PRR19: variants seen among roughly 807,000 people sequenced by gnomAD.
The protein encoded by PRR19 is proline-rich protein 19.
Under a neutral mutation model 19.2 loss-of-function variants are expected in PRR19, and 9 were observed. The observed-to-expected ratio is 0.47, with a 90% confidence interval of 0.28 to 0.82. The LOEUF (loss-of-function observed/expected upper bound fraction) is 0.82, where lower values mean the gene tolerates loss of function less well. Ranked by LOEUF, PRR19 falls within the 40% of genes least tolerant of loss-of-function variation. PRR19 has a pLI of 0.11. For synonymous variants in PRR19, 190 were observed against 191.0 expected (o/e 0.99, Z 0.04); for missense variants, 457 against 466.0 (o/e 0.98, Z 0.18).
intron 1 of PRR19, among the ~76,000 whole-genome samples, chr19:42,308,390 CTTTTTTTTTTT>C (rs774768445): frequency 3.4e-5 from 4 of 119,316 alleles, no homozygotes; most frequent in African/African-American, 9.8e-5. Flanking sequence ...CCGAATCCAG[CTTTTTTTTTTT>C]TTTTTTTTTT....
chr19:42,303,659 C>T (rs2038674422), intron 1 of PRR19: 1 of 152,204 alleles, frequency 6.6e-6, no homozygotes, highest in South Asian at 2.1e-4. Flanking sequence ...ATCCACTTTC[C>T]TGGAACTGGG....
At chr19:42,303,420 C>G (rs917777104) in intron 1 of PRR19, 1 of 152,150 alleles carries the variant, frequency 6.6e-6, no homozygotes, top group Non-Finnish European at 1.5e-5. Context: ...GCCAAGGCCA[C>G]CTAGGGTCGC....
chr19:42,308,590 G>T (rs2038743398), intron 1 of PRR19, among the ~76,000 whole-genome samples: 1 of 151,998 alleles, frequency 6.6e-6, no homozygotes, highest in Non-Finnish European at 1.5e-5. Context: ...GTAGAGACAG[G>T]ATTTCGGCAT....
Position 42,310,690 on chromosome 19 carries a change from G to T in PRR19, c.1021G>T (p.Ala341Ser). 1.3e-6 allele frequency: 2 copies of T among 1,595,594 alleles called. No homozygotes were observed. The highest frequency in any genetic ancestry group is 1.7e-6 in the Non-Finnish European group (2 of 1,170,230). Reference sequence around the variant, plus strand: ...ACTGCCCAGCCTCTCCTGGGTAGTAGCCCAGAGCAGTCCGGAAGCCTGGTC... The same window carrying T: ...ACTGCCCAGCCTCTCCTGGGTAGTATCCCAGAGCAGTCCGGAAGCCTGGTC... The part of the protein sequence containing the change: ...SPLPSLSWVV[A>S]QSSPEAWSFP... Residue 341 changes from alanine to serine, a missense_variant, in exon 3 of 3, where the codon GCC becomes TCC. By Grantham distance (99) the Ala-to-Ser change is moderately conservative. Coordinates refer to ENST00000341747, the MANE Select transcript of PRR19 (RefSeq NM_199285.3).
intron 1 of PRR19, among the ~76,000 whole-genome samples, chr19:42,305,053 A>G (rs963327251): frequency 6.7e-5 from 10 of 150,240 alleles, no homozygotes; most frequent in Non-Finnish European, 1.2e-4. Flanking sequence ...ATTAAAAAAT[A>G]CAAAGATTAG....
rs2038781790 is a variant in PRR19 at position 42,310,510 on chromosome 19, A to G, written c.841A>G (p.Thr281Ala). 1 of 1,614,162 alleles carries G rather than the reference A, an allele frequency of 6.2e-7. No homozygotes were observed. Among genetic ancestry groups the G allele is most frequent in the African/African-American group, 1.3e-5 (1 of 75,026 alleles). The change falls in exon 3 of 3, where the codon ACA (threonine) becomes GCA (alanine). Residue 281 changes from threonine to alanine, a missense_variant. Transcript: ENST00000341747. The stretch of plus-strand genomic sequence containing the variant: ...ATCTGGAACAGCCTGGGGTCCCCCA[A>G]CAGCGTTTGACTTGTTAAAAAGCAT... The part of the protein sequence containing the change: ...SPSGTAWGPP[T>A]AFDLLKSIWL...
chr19:42,310,373 A>T lies in PRR19; in HGVS notation c.704A>T (p.Lys235Met), dbSNP rs1050608127. The change falls in exon 3 of 3, where the codon AAG becomes ATG. Residue 235 changes from lysine (K) to methionine (M), a missense_variant. Coordinates refer to ENST00000341747, the MANE Select transcript of PRR19 (RefSeq NM_199285.3). ...QERQRKQQGT[K>M]EFTFPMPYTS... is the part of the protein sequence containing the mutation. ...AGGCAAAGGAAGCAACAAGGGACAA[A>T]GGAGTTCACCTTCCCCATGCCCTAC... The T allele has an allele frequency of 5.0e-6, 8 of 1,614,168 alleles. No homozygotes were observed. The highest frequency in any genetic ancestry group is 6.8e-6 in the Non-Finnish European group (8 of 1,179,998).
chr19:42,310,037 G>A lies in PRR19; in HGVS notation c.453G>A (p.Leu151=), dbSNP rs762977472. The change falls in exon 2 of 3, where the codon CTG becomes CTA. Residue 151 remains leucine, a synonymous_variant. Transcript: ENST00000341747. ...LSGVGQLLAE[L]QCQLSLPQAF... Reference sequence around the variant, plus strand: ...GCGTGGGGCAGCTGCTGGCAGAGCTGCAGTGTCAGCTGAGTTTGCCACAGG... The same window carrying A: ...GCGTGGGGCAGCTGCTGGCAGAGCTACAGTGTCAGCTGAGTTTGCCACAGG... The A allele has an allele frequency of 1.9e-6, 3 of 1,614,052 alleles. No individual in the cohort carries two copies. Among genetic ancestry groups the A allele is most frequent in the Non-Finnish European group, 2.5e-6 (3 of 1,180,040 alleles).
rs373078216 is a variant in PRR19, at chr19:42,310,390, A to G, written c.721A>G (p.Met241Val). 3 of 1,613,946 alleles carry G rather than the reference A, an allele frequency of 1.9e-6. No individual in the cohort carries two copies. The highest frequency in any genetic ancestry group is 1.3e-5 in the African/African-American group (1 of 74,878). ...QQGTKEFTFP[M>V]PYTSSMPTAH... is the part of the protein sequence containing the mutation. ...AGGGACAAAGGAGTTCACCTTCCCC[A>G]TGCCCTACACCTCCAGCATGCCCAC... Residue 241 changes from methionine (M) to valine (V), a missense_variant, in exon 3 of 3, where the codon ATG (methionine) becomes GTG (valine). Coordinates refer to ENST00000341747, the MANE Select transcript of PRR19 (RefSeq NM_199285.3).
Position 42,310,582 on chromosome 19 carries a change from C to G in PRR19, c.913C>G (p.Leu305Val). 2 of 1,613,914 alleles carry G rather than the reference C, an allele frequency of 1.2e-6. No homozygotes were observed. The highest frequency in any genetic ancestry group is 1.7e-6 in the Non-Finnish European group (2 of 1,179,810). Residue 305 changes from leucine (L) to valine (V), a missense_variant, in exon 3 of 3, where the codon CTC becomes GTC. Coordinates refer to ENST00000341747, the MANE Select transcript of PRR19 (RefSeq NM_199285.3). ...CCCTCCTCGGCCCTGGGGGGTTGGC[C>G]TCCCTCAGCCCCTGCCTCAGCCTTC... ...PPPPRPWGVG[L>V]PQPLPQPSSP...
At chr19:42,310,232 T>C in intron 2 of PRR19, 39 bp from the exon 3 acceptor site, 2 of 1,613,908 alleles carry the variant, frequency 1.2e-6, no homozygotes, top group Non-Finnish European at 1.7e-6. Flanking sequence ...TTGTCGGCTC[T>C]AGCTCAGCTA....
At position 42,310,441 on chromosome 19, in the gene PRR19, C is replaced by T. The variant is rs781500816; in HGVS notation, c.772C>T (p.Pro258Ser). ...TGCGCACAGGGGGAGTCTGGCACCG[C>T]CAAGAGGTCCCTGGCCACCATACTT... ...PTAHRGSLAP[P>S]RGPWPPYFPS... Residue 258 changes from proline (P) to serine (S), a missense_variant, in exon 3 of 3, where the codon CCA becomes TCA. By Grantham distance (74) the Pro-to-Ser change is moderately conservative. Transcript: ENST00000341747. 3.1e-6 allele frequency: 5 copies of T among 1,614,196 alleles called. No individual in the cohort carries two copies. The South Asian group carries it at 3.3e-5, about 11-fold the overall frequency.
chr19:42,302,635 A>C, intron 1 of PRR19, 132 bp downstream of exon 1: 1 of 340,122 alleles, frequency 2.9e-6, no homozygotes, highest in Non-Finnish European at 5.5e-6. Flanking sequence ...AGGCGAGACC[A>C]TCCAGCTCCC....
In PRR19 at chr19:42,309,988, C is replaced by T. The variant is rs1177611106; in HGVS notation, c.404C>T (p.Pro135Leu). 2 of 1,613,948 alleles carry T rather than the reference C, an allele frequency of 1.2e-6. No individual in the cohort carries two copies. Among genetic ancestry groups the T allele is most frequent in the Non-Finnish European group, 1.7e-6 (2 of 1,180,048 alleles). The change falls in exon 2 of 3, where the codon CCA (proline) becomes CTA (leucine). Residue 135 changes from proline (P) to leucine (L), a missense_variant. By Grantham distance (98) the Pro-to-Leu change is moderately conservative. Transcript: ENST00000341747. ...NQVPGGSGPGPPSSPELSGVG... is the reference protein window; with the variant it reads ...NQVPGGSGPGLPSSPELSGVG... ...GTGCCTGGAGGTTCGGGCCCAGGCC[C>T]ACCCAGTTCCCCAGAGTTGTCTGGC...
At position 42,310,454 on chromosome 19, in the gene PRR19, G is replaced by A. The variant is rs1419636125; in HGVS notation, c.785G>A (p.Trp262Ter). 1 of 1,614,052 alleles carries A rather than the reference G, an allele frequency of 6.2e-7. No homozygotes were observed. Among genetic ancestry groups the A allele is most frequent in the Non-Finnish European group, 8.5e-7 (1 of 1,180,030 alleles). ...AGTCTGGCACCGCCAAGAGGTCCCT[G>A]GCCACCATACTTTCCCTCACTGTCT... ...RGSLAPPRGP[W>*]PPYFPSLSSP... The change falls in exon 3 of 3, where the codon TGG (tryptophan) becomes TAG (stop). Residue 262 changes from tryptophan (W) to a stop codon, truncating the protein, a stop_gained. Coordinates refer to ENST00000341747, the MANE Select transcript of PRR19 (RefSeq NM_199285.3). LOFTEE classifies it high-confidence loss of function.
chr19:42,306,683 C>G (rs1008410155), intron 1 of PRR19, among the ~76,000 whole-genome samples: 2 of 152,174 alleles, frequency 1.3e-5, no homozygotes, highest in African/African-American at 4.8e-5. Context: ...GACCCTTCTT[C>G]CCTTTGGCAC....
Position 42,310,142 on chromosome 19 carries a change from T to C in PRR19, c.558T>C (p.Pro186=). The C allele has an allele frequency of 6.2e-7, 1 of 1,614,114 alleles. No individual in the cohort carries two copies. Among genetic ancestry groups the C allele is most frequent in the Non-Finnish European group, 8.5e-7 (1 of 1,180,020 alleles). The change falls in exon 2 of 3, where the codon CCT becomes CCC. Residue 186 remains proline, a synonymous_variant. Coordinates refer to ENST00000341747, the MANE Select transcript of PRR19 (RefSeq NM_199285.3). ...HTLQACHGCV[P]DLALVLRGCQ... is the part of the protein sequence containing the mutation. ...TGCAGGCCTGTCATGGTTGTGTGCCTGACCTTGCCCTGGTGCTTCGGGGCT... is the reference window on the plus strand; with the variant it reads ...TGCAGGCCTGTCATGGTTGTGTGCCCGACCTTGCCCTGGTGCTTCGGGGCT...
intron 1 of PRR19, among the ~76,000 whole-genome samples, chr19:42,303,078 T>G (rs978166131): frequency 2.7e-5 from 4 of 150,660 alleles, no homozygotes; most frequent in South Asian, 2.1e-4. Flanking sequence ...TGTGTGTGTG[T>G]GTGTGTGTGT....
In PRR19 at chr19:42,309,576, C is replaced by T. The variant is rs749682965; in HGVS notation, c.-6-3C>T. 10 of 1,515,190 alleles carry T rather than the reference C, an allele frequency of 6.6e-6. No individual in the cohort carries two copies. Among genetic ancestry groups the T allele is most frequent in the African/African-American group, 5.6e-5 (4 of 71,678 alleles). 93.9% of individuals were successfully genotyped at this position (1,515,190 alleles called of 1,614,324 possible). A position where few individuals can be genotyped will look rare whatever the true frequency, so the allele number is the denominator to read the frequency against. The stretch of plus-strand genomic sequence containing the variant: ...TGATGGCCACCCTATCTTTATATTC[C>T]AGGACACCATGGATACCCAGGGACC... On this transcript the variant is annotated splice_region_variant and splice_polypyrimidine_tract_variant and intron_variant, in intron 1 of 2. Transcript: ENST00000341747.
Sources: gnomAD v4.1 joint callset for allele counts (sites outside exome capture counted in the v4.1 genomes callset) on GRCh38, gnomAD v4.1.1 for gene constraint, MANE v1.5 for transcripts, NCBI Gene and HGNC (gene_info 2026-07-23, HGNC 2026-07-21) for gene names.